Variants in GPHN observed in about 807,000 individuals in gnomAD.
GPHN encodes the protein gephyrin.
GPHN carries 17 observed loss-of-function variants against 95.5 expected under a neutral mutation model. That is an observed-to-expected ratio of 0.18 (90% confidence interval 0.12 to 0.27). The LOEUF (loss-of-function observed/expected upper bound fraction) is 0.27. Ranked by LOEUF, GPHN falls within the 10% of genes least tolerant of loss-of-function variation. The pLI is 1.00. For missense variants in GPHN, 660 were observed against 978.1 expected, an observed-to-expected ratio of 0.67 and a Z score of 4.34; for synonymous variants, 320 against 322.5, an observed-to-expected ratio of 0.99 and a Z score of 0.08.
At chr14:67,494,462 G>A in the GPHN span, among the ~76,000 whole-genome samples, 2,627 of 152,342 alleles carry the variant, frequency 0.017, 23 homozygotes, top group Non-Finnish European at 0.027. Context: ...TGCTCTATCA[G>A]AGAAGCAGCT....
At chr14:67,301,932 C>A in the GPHN span, 5 of 1,564,414 alleles carry the variant, frequency 3.2e-6, no homozygotes, top group South Asian at 1.2e-5. Context: ...AGAAATAAAT[C>A]ATGCTGTTAC....
intron 3 of GPHN, among the ~76,000 whole-genome samples, chr14:66,817,952 C>A (rs964759947): frequency 6.6e-6 from 1 of 152,122 alleles, no homozygotes; most frequent in African/African-American, 2.4e-5. Flanking sequence ...CACCTCCTGA[C>A]AGGAGGATTT....
rs568029225 is a variant in GPHN, at chr14:66,662,717, A to G, written c.65-18390A>G. 2.2e-3 allele frequency among the ~76,000 whole-genome samples: 338 copies of G among 152,368 alleles called. 1 individual carries two copies. Among genetic ancestry groups the G allele is most frequent in the African/African-American group, 7.5e-3 (312 of 41,590 alleles). On this transcript the variant is annotated intron_variant, in intron 1 of 22. Transcript: ENST00000478722. Reference sequence around the variant, plus strand: ...ACCTTCTAACTCAATGCAGGAAGCTACAGATCATGATAAAACATTTCAGCA... The same window carrying G: ...ACCTTCTAACTCAATGCAGGAAGCTGCAGATCATGATAAAACATTTCAGCA...
chr14:67,068,149 C>G (rs1262510544), intron 11 of GPHN, among the ~76,000 whole-genome samples: 3 of 152,182 alleles, frequency 2.0e-5, no homozygotes, highest in Non-Finnish European at 2.9e-5. Context: ...AACTGGAACC[C>G]GGGATCCTTA....
chr14:67,310,835 A>G, the GPHN span, among the ~76,000 whole-genome samples: 5 of 149,572 alleles, frequency 3.3e-5, no homozygotes, highest in African/African-American at 7.6e-5. Context: ...TTATCTGTCT[A>G]TCTATCTATC....
At chr14:66,741,837 G>A (rs1465335647) in intron 2 of GPHN, among the ~76,000 whole-genome samples, 2 of 152,094 alleles carry the variant, frequency 1.3e-5, no homozygotes, top group Non-Finnish European at 2.9e-5. Context: ...GTTGGCTTTG[G>A]CTCAGTTACC....
At chr14:67,598,283 T>C in the GPHN span, among the ~76,000 whole-genome samples, 1 of 152,102 alleles carries the variant, frequency 6.6e-6, no homozygotes, top group Non-Finnish European at 1.5e-5. Flanking sequence ...GGGTACTTGA[T>C]GGGGGTAAGC....
At chr14:67,695,286 C>A in the GPHN span, among the ~76,000 whole-genome samples, 1 of 152,180 alleles carries the variant, frequency 6.6e-6, no homozygotes, top group African/African-American at 2.4e-5. Context: ...GGGAAAACAG[C>A]GTCGGGCCAT....
At chr14:67,284,892 G>A in the GPHN span, among the ~76,000 whole-genome samples, 22,701 of 151,684 alleles carry the variant, frequency 0.15, 3,179 homozygotes, top group East Asian at 0.42. Flanking sequence ...TTTTCCATTC[G>A]TCTAGGTTAA....
intron 18 of GPHN, among the ~76,000 whole-genome samples, chr14:67,144,286 T>TATACATATATAC (rs1421893686): frequency 1.3e-5 from 1 of 78,126 alleles, no homozygotes; most frequent in African/African-American, 6.4e-5. Flanking sequence ...TATATATATA[T>TATACATATATAC]ACACACACAC....
the GPHN span, chr14:67,336,120 C>A: frequency 6.6e-6 from 1 of 152,200 alleles, no homozygotes; most frequent in Non-Finnish European, 1.5e-5. Flanking sequence ...GGCAAATGGA[C>A]CTTATGTGCA....
chr14:66,936,790 A>T (rs941293505), intron 8 of GPHN, among the ~76,000 whole-genome samples: 1 of 152,262 alleles, frequency 6.6e-6, no homozygotes, highest in African/African-American at 2.4e-5. Flanking sequence ...GAATGAATTT[A>T]TAAATAGAAA....
intron 1 of GPHN, among the ~76,000 whole-genome samples, chr14:66,595,876 G>C (rs192628129): frequency 6.6e-6 from 1 of 152,312 alleles, no homozygotes; most frequent in Non-Finnish European, 1.5e-5. Context: ...CCGTTCCGCA[G>C]GTCCTGAGTT....
the GPHN span, among the ~76,000 whole-genome samples, chr14:67,224,259 CT>C: frequency 0.039 from 5,308 of 134,724 alleles, 416 homozygotes; most frequent in East Asian, 0.37. Flanking sequence ...TCTCTCTTTT[CT>C]TTTTTTTTTT....
intron 18 of GPHN, among the ~76,000 whole-genome samples, chr14:67,154,108 A>G (rs537360617): frequency 2.0e-5 from 3 of 152,290 alleles, no homozygotes; most frequent in South Asian, 2.1e-4. Context: ...GCTTCTGCCT[A>G]TCTCTTCAAA....
the GPHN span, among the ~76,000 whole-genome samples, chr14:67,233,692 G>A: frequency 6.6e-6 from 1 of 152,250 alleles, no homozygotes; most frequent in African/African-American, 2.4e-5. Context: ...GCCTGGAGGA[G>A]GGTGGTAGCA....
At chr14:67,047,362 GTT>G (rs374536545) in intron 10 of GPHN, among the ~76,000 whole-genome samples, 19,226 of 129,556 alleles carry the variant, frequency 0.15, 1,445 homozygotes, top group Non-Finnish European at 0.21. Context: ...GTGTGTGTGT[GTT>G]TGTTTTTTTT....
At chr14:67,058,161 A>G (rs2075680564) in intron 10 of GPHN, among the ~76,000 whole-genome samples, 1 of 152,224 alleles carries the variant, frequency 6.6e-6, no homozygotes, top group Non-Finnish European at 1.5e-5. Context: ...GACCTCAATG[A>G]AAATGAGTTA....
the GPHN span, among the ~76,000 whole-genome samples, chr14:67,509,089 G>A: frequency 0.014 from 2,118 of 152,198 alleles, 62 homozygotes; most frequent in African/African-American, 0.049. Flanking sequence ...CAAACAGACC[G>A]TTAAGCAAGA....
Sources: gnomAD v4.1 joint callset for allele counts (sites outside exome capture counted in the v4.1 genomes callset) on GRCh38, gnomAD v4.1.1 for gene constraint, MANE v1.5 for transcripts, NCBI Gene and HGNC (gene_info 2026-07-23, HGNC 2026-07-21) for gene names.